The following ADARB2 variants were observed in gnomAD, a reference collection of about 807,000 sequenced individuals.
The protein encoded by ADARB2 is inactive double-stranded RNA-specific editase B2.
A neutral mutation model predicts 62.2 loss-of-function variants in ADARB2; 25 were observed. The observed-to-expected ratio is 0.40, with a 90% confidence interval of 0.29 to 0.56. The LOEUF (loss-of-function observed/expected upper bound fraction) is 0.56, where lower values mean the gene tolerates loss of function less well. Among genes scored for constraint, ADARB2 ranks in the 20% least tolerant of loss-of-function variants. The probability of loss-of-function intolerance (pLI) is 0.43; values close to 1 mark genes in which losing one functional copy is unlikely to be tolerated. For synonymous variants in ADARB2, 572 were observed against 500.8 expected, an observed-to-expected ratio of 1.14 and a Z score of -1.90; for missense variants, 1,071 against 1,077.4, an observed-to-expected ratio of 0.99 and a Z score of 0.08.
chr10:1,187,834 G>C (rs1270490334), intron 8 of ADARB2: 2 of 436,010 alleles, frequency 4.6e-6, no homozygotes, highest in Non-Finnish European at 9.4e-6. Flanking sequence ...CCTTGCATGG[G>C]GGCTTCTTCT....
At chr10:1,402,313 G>A (rs1458445570) in intron 1 of ADARB2, among the ~76,000 whole-genome samples, 1 of 152,164 alleles carries the variant, frequency 6.6e-6, no homozygotes, top group Non-Finnish European at 1.5e-5. Context: ...ACTTCTGAGC[G>A]ATTTGCTCAT....
intron 3 of ADARB2, among the ~76,000 whole-genome samples, chr10:1,307,956 G>C (rs1831646597): frequency 1.4e-5 from 2 of 141,558 alleles, no homozygotes; most frequent in East Asian, 2.2e-4. Flanking sequence ...GGGAGGGATA[G>C]CATTGGGAGA....
chr10:1,525,743 A>G (rs1347523864), intron 1 of ADARB2, among the ~76,000 whole-genome samples: 1 of 152,130 alleles, frequency 6.6e-6, no homozygotes, highest in Non-Finnish European at 1.5e-5. Context: ...GTGTGCGTGC[A>G]TGTATGGGTG....
intron 1 of ADARB2, among the ~76,000 whole-genome samples, chr10:1,505,618 C>T (rs1831835801): frequency 6.6e-6 from 1 of 152,188 alleles, no homozygotes; most frequent in Non-Finnish European, 1.5e-5. Flanking sequence ...GCCGCCTCCC[C>T]ACACCTGTGG....
chr10:1,462,096 G>A (rs1831181685), intron 1 of ADARB2, among the ~76,000 whole-genome samples: 1 of 152,212 alleles, frequency 6.6e-6, no homozygotes, highest in Non-Finnish European at 1.5e-5. Flanking sequence ...CACGGTGTGT[G>A]TTCAGCTTCT....
intron 1 of ADARB2, among the ~76,000 whole-genome samples, chr10:1,509,766 C>T (rs1232785006): frequency 1.3e-5 from 2 of 152,148 alleles, no homozygotes; most frequent in Non-Finnish European, 2.9e-5. Context: ...TTTTGGAAAA[C>T]ATTGTAACAG....
intron 2 of ADARB2, among the ~76,000 whole-genome samples, chr10:1,378,140 A>G (rs1489027340): frequency 6.6e-6 from 1 of 152,090 alleles, no homozygotes; most frequent in Non-Finnish European, 1.5e-5. Flanking sequence ...AATGCCTGAC[A>G]ATTTGCTGTG....
intron 1 of ADARB2, among the ~76,000 whole-genome samples, chr10:1,584,313 TAC>T (rs1240883448): frequency 1.3e-5 from 2 of 151,992 alleles, no homozygotes; most frequent in African/African-American, 4.8e-5. Flanking sequence ...AAAGAAGAGA[TAC>T]AGATGGCAAA....
chr10:1,633,566 ATCTATCTATCTATC>A lies in ADARB2; in HGVS notation c.100+103471_100+103484del, dbSNP rs1233550926. 8.2e-3 allele frequency among the ~76,000 whole-genome samples: 1,216 copies of A among 147,578 alleles called. 19 individuals are homozygous for A. The highest frequency in any genetic ancestry group is 0.028 in the African/African-American group (1,129 of 39,768). ...CTATCTATCATCTATCTATCTATCT[ATCTATCTATCTATC>A]TATCTATCTATCTATCTATCTATCT... On this transcript the variant is annotated intron_variant, in intron 1 of 9. Transcript: ENST00000381312.
At chr10:1,365,240 C>G (rs1832304276) in intron 2 of ADARB2, among the ~76,000 whole-genome samples, 1 of 152,088 alleles carries the variant, frequency 6.6e-6, no homozygotes, top group African/African-American at 2.4e-5. Flanking sequence ...CCCTCTGATG[C>G]CTGATCTTTG....
At chr10:1,350,956 A>G (rs913608679) in intron 3 of ADARB2, among the ~76,000 whole-genome samples, 3 of 152,172 alleles carry the variant, frequency 2.0e-5, no homozygotes, top group African/African-American at 7.2e-5. Flanking sequence ...AGCACGCAAG[A>G]ACTGGAACGC....
intron 1 of ADARB2, among the ~76,000 whole-genome samples, chr10:1,467,015 C>T (rs892464448): frequency 6.6e-5 from 10 of 152,066 alleles, no homozygotes; most frequent in Admixed American, 1.3e-4. Context: ...CAGGGGACTC[C>T]GTATTCTGGT....
At chr10:1,383,435 T>TA (rs36078172) in intron 1 of ADARB2, among the ~76,000 whole-genome samples, 54 of 147,680 alleles carry the variant, frequency 3.7e-4, no homozygotes, top group South Asian at 6.5e-4. Context: ...TGAGTATGAT[T>TA]AAAAAAAAAA....
At chr10:1,447,460 T>G (rs1164834662) in intron 1 of ADARB2, among the ~76,000 whole-genome samples, 1 of 152,180 alleles carries the variant, frequency 6.6e-6, no homozygotes, top group East Asian at 1.9e-4. Context: ...GTCACTGTCA[T>G]TCCACCAGGC....
At chr10:1,370,022 T>C (rs1432163102) in intron 2 of ADARB2, among the ~76,000 whole-genome samples, 1 of 152,206 alleles carries the variant, frequency 6.6e-6, no homozygotes, top group Non-Finnish European at 1.5e-5. Flanking sequence ...ACAGTGCGTG[T>C]AACAGTTTTA....
intron 3 of ADARB2, among the ~76,000 whole-genome samples, chr10:1,317,647 C>A (rs1831751370): frequency 6.6e-6 from 1 of 151,554 alleles, no homozygotes; most frequent in South Asian, 2.1e-4. Context: ...CCTGATGTTG[C>A]TGGTGCATCC....
intron 3 of ADARB2, among the ~76,000 whole-genome samples, chr10:1,314,786 T>A (rs942201862): frequency 2.6e-5 from 4 of 152,124 alleles, no homozygotes; most frequent in African/African-American, 9.7e-5. Flanking sequence ...GTCTGAAAGC[T>A]TCAGCGGCTC....
At chr10:1,637,360 G>A (rs1833928937) in intron 1 of ADARB2, among the ~76,000 whole-genome samples, 1 of 152,144 alleles carries the variant, frequency 6.6e-6, no homozygotes. Context: ...TCCTTGATTA[G>A]AGCTATAATC....
rs367955654 is a variant in ADARB2, at chr10:1,233,658, T to C, written c.1513+36A>G. ...GTCCCAGATAGAGGGAGCTGGGGGC[T>C]GTTGGCCTACAGAAGGTAAAAGCAT... On this transcript the variant is annotated intron_variant, in intron 6 of 9. Coordinates refer to ENST00000381312, the MANE Select transcript of ADARB2 (RefSeq NM_018702.4). 9 of 1,580,758 alleles carry C rather than the reference T, an allele frequency of 5.7e-6. No individual in the cohort carries two copies. The African/African-American group carries it at 1.1e-4, about 19-fold the overall frequency.
Sources: allele counts gnomAD v4.1 joint callset (sites outside exome capture counted in the v4.1 genomes callset), GRCh38; gene constraint gnomAD v4.1.1; transcripts MANE v1.5; gene names NCBI Gene and HGNC (gene_info 2026-07-23, HGNC 2026-07-21).